Variants in SYNE1 observed in about 807,000 individuals in gnomAD.
SYNE1 encodes nesprin-1.
Under a neutral mutation model 1,111.0 loss-of-function variants are expected in SYNE1, and 616 were observed. That is an observed-to-expected ratio of 0.55 (90% CI 0.52 to 0.59). The LOEUF (loss-of-function observed/expected upper bound fraction) is 0.59, where lower values mean the gene tolerates loss of function less well. Among genes scored for constraint, SYNE1 ranks in the 20% least tolerant of loss-of-function variants. SYNE1 has a pLI of 0.00. For missense variants in SYNE1, 10,006 were observed against 10,417.0 expected, an observed-to-expected ratio of 0.96 and a Z score of 1.72; for synonymous variants, 3,855 against 3,825.8, an observed-to-expected ratio of 1.01 and a Z score of -0.28.
chr6:152,544,625 C>T (rs949704032), intron 3 of SYNE1, among the ~76,000 whole-genome samples: 3 of 152,008 alleles, frequency 2.0e-5, no homozygotes, highest in Non-Finnish European at 4.4e-5. Context: ...AGTGTTTTGC[C>T]ATTTCAGGGC....
At chr6:152,505,713 A>G (rs991468908) in intron 8 of SYNE1, among the ~76,000 whole-genome samples, 1 of 152,242 alleles carries the variant, frequency 6.6e-6, no homozygotes, top group Non-Finnish European at 1.5e-5. Context: ...GAGCTATTGA[A>G]GGATGTTTAC....
chr6:152,518,986 G>A (rs1321111689), intron 6 of SYNE1, among the ~76,000 whole-genome samples: 2 of 149,880 alleles, frequency 1.3e-5, no homozygotes, highest in African/African-American at 4.9e-5. Flanking sequence ...CGGGACTGTT[G>A]TAGGGTGGGG....
chr6:152,307,800 A>G (rs564691256), intron 91 of SYNE1, among the ~76,000 whole-genome samples: 2 of 152,254 alleles, frequency 1.3e-5, no homozygotes, highest in South Asian at 2.1e-4. Context: ...AATGACTAAT[A>G]TGTCAAAGAA....
intron 25 of SYNE1, among the ~76,000 whole-genome samples, chr6:152,453,168 T>G (rs768487536): frequency 1.6e-4 from 25 of 152,228 alleles, no homozygotes; most frequent in Non-Finnish European, 3.5e-4. Context: ...CATTTATATT[T>G]TTTGATCATA....
intron 128 of SYNE1, among the ~76,000 whole-genome samples, chr6:152,185,748 A>G (rs182497464): frequency 6.6e-6 from 1 of 152,370 alleles, no homozygotes; most frequent in African/African-American, 2.4e-5. Context: ...CGCATGATCA[A>G]CATCAGCTTT....
At chr6:152,239,260 A>G (rs2084963837) in intron 108 of SYNE1, among the ~76,000 whole-genome samples, 1 of 152,100 alleles carries the variant, frequency 6.6e-6, no homozygotes, top group Non-Finnish European at 1.5e-5. Flanking sequence ...ATCAGTCTGA[A>G]TATCAAAACC....
At chr6:152,168,010 AT>A (rs1563175721) in intron 130 of SYNE1, 5 of 779,702 alleles carry the variant, frequency 6.4e-6, no homozygotes, top group Admixed American at 5.1e-5. Context: ...TTCATGTAAC[AT>A]TGGCAAAAAC....
intron 72 of SYNE1, among the ~76,000 whole-genome samples, chr6:152,349,005 G>C (rs1649882534): frequency 6.6e-6 from 1 of 152,164 alleles, no homozygotes. Flanking sequence ...TCTCCTCAGT[G>C]CCTACCAGAA....
chr6:152,605,555 A>C (rs2099612525), intron 3 of SYNE1, among the ~76,000 whole-genome samples: 1 of 152,178 alleles, frequency 6.6e-6, no homozygotes, highest in East Asian at 1.9e-4. Context: ...GCTGATTGTA[A>C]AGCGACCCTG....
chr6:152,529,870 T>C (rs2099187445), intron 4 of SYNE1, among the ~76,000 whole-genome samples: 1 of 152,052 alleles, frequency 6.6e-6, no homozygotes, highest in African/African-American at 2.4e-5. Flanking sequence ...GCAATATCCA[T>C]GTGACTGACC....
intron 18 of SYNE1, chr6:152,464,779 A>G (rs561590985): frequency 4.6e-6 from 1 of 217,244 alleles, no homozygotes; most frequent in African/African-American, 2.3e-5. Flanking sequence ...TAACTGGCCA[A>G]AAAATAAATC....
At chr6:152,375,113 G>A (rs1054055734) in intron 58 of SYNE1, among the ~76,000 whole-genome samples, 1 of 151,810 alleles carries the variant, frequency 6.6e-6, no homozygotes, top group African/African-American at 2.4e-5. Flanking sequence ...GCTAATTTTT[G>A]TATTTTATTA....
At chr6:152,365,799 T>C (rs1291593618) in intron 62 of SYNE1, among the ~76,000 whole-genome samples, 1 of 152,148 alleles carries the variant, frequency 6.6e-6, no homozygotes, top group Non-Finnish European at 1.5e-5. Context: ...ACTGATAATG[T>C]TGCCTAAAAG....
chr6:152,601,563 A>G (rs1458305136), intron 3 of SYNE1, among the ~76,000 whole-genome samples: 1 of 152,160 alleles, frequency 6.6e-6, no homozygotes, highest in East Asian at 1.9e-4. Flanking sequence ...TATACAAAGA[A>G]CCCAGGCAGG....
At chr6:152,513,868 C>A (rs1249649621) in intron 6 of SYNE1, among the ~76,000 whole-genome samples, 2 of 152,022 alleles carry the variant, frequency 1.3e-5, no homozygotes, top group Non-Finnish European at 2.9e-5. Flanking sequence ...GGCCAACAAA[C>A]ATGAAAAAAA....
intron 71 of SYNE1, 113 bp downstream of exon 71, chr6:152,350,504 TA>T (rs996263552): frequency 4.5e-4 from 662 of 1,462,670 alleles, no homozygotes; most frequent in Non-Finnish European, 5.5e-4. Flanking sequence ...TCCATCTGAA[TA>T]AAAAAAAATA....
rs369847934 is a variant in SYNE1 at position 152,247,917 on chromosome 6, G to A, written c.19572+1244C>T. On this transcript the variant is annotated intron_variant, in intron 105 of 145. Coordinates refer to ENST00000367255, the MANE Select transcript of SYNE1 (RefSeq NM_182961.4). ...ATTATATGTCAGATTATTCTCTATC[G>A]TCTATCCATAGATTCCCGGGAAGTT... Among the ~76,000 whole-genome samples the A allele has an allele frequency of 1.5e-4, 23 of 149,962 alleles. No homozygotes were observed. The South Asian group carries it at 3.4e-3, about 22-fold the overall frequency.
chr6:152,296,649 A>T (rs2094896238), intron 93 of SYNE1, among the ~76,000 whole-genome samples: 1 of 152,194 alleles, frequency 6.6e-6, no homozygotes, highest in African/African-American at 2.4e-5. Context: ...GCTGCCTCTG[A>T]CCTGCACATA....
At position 152,450,711 on chromosome 6, in the gene SYNE1, C is replaced by T. The variant is rs1327156244; in HGVS notation, c.3309G>A (p.Val1103=). Residue 1103 remains valine (V), a synonymous_variant, in exon 27 of 146, where the codon GTG becomes GTA. Transcript: ENST00000367255. The stretch of plus-strand genomic sequence containing the variant: ...TGGCAGCTCTGAGCTCTTTGAGAGT[C>T]ACGTGACAGGTTCCAGGTGTGTCCC... ...PVRDTPGTCH[V]TLKELRAAID... The T allele has an allele frequency of 6.2e-7, 1 of 1,614,004 alleles. No individual in the cohort carries two copies. Among genetic ancestry groups the T allele is most frequent in the African/African-American group, 1.3e-5 (1 of 74,910 alleles).
Sources: gnomAD v4.1 joint callset for allele counts (sites outside exome capture counted in the v4.1 genomes callset) on GRCh38, gnomAD v4.1.1 for gene constraint, MANE v1.5 for transcripts, NCBI Gene and HGNC (gene_info 2026-07-23, HGNC 2026-07-21) for gene names.